The following ZC3H12A variants were observed in gnomAD, a reference collection of about 807,000 sequenced individuals.
ZC3H12A encodes the protein zinc finger CCCH-type containing 12A, also known as endoribonuclease ZC3H12A.
Under a neutral mutation model 29.9 loss-of-function variants are expected in ZC3H12A, and 9 were observed. That is an observed-to-expected ratio of 0.30 (90% confidence interval 0.18 to 0.53). The LOEUF is 0.53. Ranked by LOEUF, ZC3H12A falls within the 20% of genes least tolerant of loss-of-function variation. The pLI is 0.96. For missense variants in ZC3H12A, 617 were observed against 799.0 expected, an observed-to-expected ratio of 0.77 and a Z score of 2.75; for synonymous variants, 323 against 338.1, an observed-to-expected ratio of 0.96 and a Z score of 0.49.
chr1:37,479,371 G>T lies in ZC3H12A; in HGVS notation c.444-919G>T. 3 of 985,440 alleles carry T rather than the reference G, an allele frequency of 3.0e-6. No homozygotes were observed. Among genetic ancestry groups the T allele is most frequent in the Non-Finnish European group, 3.6e-6 (3 of 829,938 alleles). The allele number at this position is 985,440 out of a possible 1,614,324, so 61.0% of individuals were successfully genotyped here. A position where few individuals can be genotyped will look rare whatever the true frequency, so the allele number is the denominator to read the frequency against. ...CTGCAGACTGCTGGGCCCATTTTCA[G>T]ATAGAGGAACGGAGAGCTGCGGCAG... is the stretch of plus-strand genomic sequence containing the variant. On this transcript the variant is annotated intron_variant, in intron 2 of 5. Coordinates refer to ENST00000373087, the MANE Select transcript of ZC3H12A (RefSeq NM_025079.3). This position sits in a 1 kb window ranked among gnomAD's most constrained non-coding sequence, Gnocchi z 4.5.
At position 37,476,817 on chromosome 1, in the gene ZC3H12A, G is replaced by A. The variant is rs1342010129; in HGVS notation, c.443+878G>A. Among the ~76,000 whole-genome samples the A allele has an allele frequency of 2.0e-4, 30 of 152,254 alleles. No homozygotes were observed. Among genetic ancestry groups the A allele is most frequent in the Admixed American group, 1.8e-3 (28 of 15,286 alleles). ...CAAGGCAGGCTGATGAGTCAGTGCT[G>A]GGTGGATGGCTCACAGGGAAAAGTT... On this transcript the variant is annotated intron_variant, in intron 2 of 5. Coordinates refer to ENST00000373087, the MANE Select transcript of ZC3H12A (RefSeq NM_025079.3). The surrounding 1 kb of genome is among the most constrained non-coding windows in gnomAD (Gnocchi z 6.0).
At position 37,483,820 on chromosome 1, in the gene ZC3H12A, G is replaced by C. The variant is rs546660362; in HGVS notation, c.*209G>C. ...GCACCTCTAGCTGTCTGCCTCAGTG[G>C]GTCAGAAGCGATCACCCTGTTGATA... is the stretch of plus-strand genomic sequence containing the variant. On this transcript the variant is annotated 3_prime_UTR_variant, in exon 6 of 6. Transcript: ENST00000373087. 927 of 621,336 alleles carry C rather than the reference G, an allele frequency of 1.5e-3. 6 individuals carry two copies. In the African/African-American group the frequency reaches 0.015, roughly 10 times the overall value. 38.5% of individuals were successfully genotyped at this position (621,336 alleles called of 1,614,324 possible). A position where few individuals can be genotyped will look rare whatever the true frequency, so the allele number is the denominator to read the frequency against.
At chr1:37,477,576 C>G (rs931276397) in intron 2 of ZC3H12A, among the ~76,000 whole-genome samples, 7 of 152,090 alleles carry the variant, frequency 4.6e-5, no homozygotes, top group African/African-American at 1.7e-4. Context: ...GAATTTTTTT[C>G]CACTCGCCAG....
chr1:37,482,609 C>G, intron 5 of ZC3H12A, 69 bp downstream of exon 5: 1 of 1,607,694 alleles, frequency 6.2e-7, no homozygotes, highest in Non-Finnish European at 8.5e-7. Context: ...TCTGCCTGTG[C>G]CCTGTTTTCC....
Position 37,475,969 on chromosome 1 carries a change from T to C in ZC3H12A, c.443+30T>C. Reference sequence around the variant, plus strand: ...GTGTCACTTCTGTGGCCAGGACACATGAGGTTCGCATCTCTCCTGTGGCCA... The same window carrying C: ...GTGTCACTTCTGTGGCCAGGACACACGAGGTTCGCATCTCTCCTGTGGCCA... On this transcript the variant is annotated intron_variant, in intron 2 of 5. Coordinates refer to ENST00000373087, the MANE Select transcript of ZC3H12A (RefSeq NM_025079.3). This position sits in a 1 kb window ranked among gnomAD's most constrained non-coding sequence, Gnocchi z 5.2. The C allele has an allele frequency of 2.0e-6, 3 of 1,483,420 alleles. No homozygotes were observed. Among genetic ancestry groups the C allele is most frequent in the Non-Finnish European group, 2.7e-6 (3 of 1,122,544 alleles). 91.9% of individuals were successfully genotyped at this position (1,483,420 alleles called of 1,614,324 possible).
At position 37,478,520 on chromosome 1, in the gene ZC3H12A, C is replaced by T. The variant is rs1169659647; in HGVS notation, c.444-1770C>T. 6.6e-6 allele frequency among the ~76,000 whole-genome samples: 1 copy of T among 152,162 alleles called. No individual in the cohort carries two copies. Among genetic ancestry groups the T allele is most frequent in the Non-Finnish European group, 1.5e-5 (1 of 68,032 alleles). On this transcript the variant is annotated intron_variant, in intron 2 of 5. Transcript: ENST00000373087. This position sits in a 1 kb window ranked among gnomAD's most constrained non-coding sequence, Gnocchi z 5.2. ...GGTAGCAAGCCCTATAAGAATGAAG[C>T]CATATATCTGGCCACCAGCGGGAGC...
rs755664751 is a variant in ZC3H12A at position 37,481,663 on chromosome 1, G to T, written c.646G>T (p.Val216Leu). The change falls in exon 4 of 6, where the codon GTG becomes TTG. Residue 216 changes from valine (V) to leucine (L), a missense_variant. Physicochemically the swap from Val to Leu is conservative, Grantham distance 32. Coordinates refer to ENST00000373087, the MANE Select transcript of ZC3H12A (RefSeq NM_025079.3). ...KILVFTPSRR[V>L]GGKRVVCYDD... ...CCTGGTGTTCACACCATCACGACGCGTGGGTGGCAAGCGGGTGGTGTGCTA... is the reference window on the plus strand; with the variant it reads ...CCTGGTGTTCACACCATCACGACGCTTGGGTGGCAAGCGGGTGGTGTGCTA... 4.3e-6 allele frequency: 7 copies of T among 1,614,246 alleles called. No individual in the cohort carries two copies. The highest frequency in any genetic ancestry group is 1.3e-5 in the African/African-American group (1 of 75,074).
At chr1:37,481,499 G>C in intron 3 of ZC3H12A, 102 bp from the exon 4 acceptor site, 1 of 1,175,630 alleles carries the variant, frequency 8.5e-7, no homozygotes, top group South Asian at 1.3e-5. Flanking sequence ...TGACCTTGGC[G>C]TTAACCACTC....
rs879045907 is a variant in ZC3H12A at position 37,482,497 on chromosome 1, G to A, written c.882G>A (p.Lys294=). 5 of 1,614,118 alleles carry A rather than the reference G, an allele frequency of 3.1e-6. No homozygotes were observed. Among genetic ancestry groups the A allele is most frequent in the Non-Finnish European group, 3.4e-6 (4 of 1,180,002 alleles). ...CCAGCCTGGACAACTTCCTGCGTAA[G>A]AAGCCACTCACTTTGGAGCACAGGA... ...HGPSLDNFLR[K]KPLTLEHRKQ... Residue 294 remains lysine, a synonymous_variant, in exon 5 of 6, where the codon AAG becomes AAA. Transcript: ENST00000373087.
rs1367200020 is a variant in ZC3H12A, at chr1:37,484,219, C to A, written c.*608C>A. 6.6e-6 allele frequency: 1 copy of A among 152,424 alleles called. No individual in the cohort carries two copies. Among genetic ancestry groups the A allele is most frequent in the Admixed American group, 6.5e-5 (1 of 15,292 alleles). 9.4% of individuals were successfully genotyped at this position (152,424 alleles called of 1,614,324 possible). On this transcript the variant is annotated 3_prime_UTR_variant, in exon 6 of 6. Transcript: ENST00000373087. ...AAGGGCCCTCCGTCTACACCCTCTTCTTCTCCTCCATCCTTTATTCAGAGT... is the reference window on the plus strand; with the variant it reads ...AAGGGCCCTCCGTCTACACCCTCTTATTCTCCTCCATCCTTTATTCAGAGT...
In ZC3H12A at chr1:37,478,899, G is replaced by T; in HGVS notation, c.444-1391G>T. 4 of 985,334 alleles carry T rather than the reference G, an allele frequency of 4.1e-6. No homozygotes were observed. The highest frequency in any genetic ancestry group is 4.8e-6 in the Non-Finnish European group (4 of 829,894). The allele number at this position is 985,334 out of a possible 1,614,324, so 61.0% of individuals were successfully genotyped here. A position where few individuals can be genotyped will look rare whatever the true frequency, so the allele number is the denominator to read the frequency against. The stretch of plus-strand genomic sequence containing the variant: ...AGAGGGACCGGGAAGGATGAGTGCT[G>T]CCCTGGGCTGGACTTTGTCTCCCCT... On this transcript the variant is annotated intron_variant, in intron 2 of 5. Transcript: ENST00000373087. This position sits in a 1 kb window ranked among gnomAD's most constrained non-coding sequence, Gnocchi z 5.2.
At chr1:37,477,948 A>G (rs1172346772) in intron 2 of ZC3H12A, among the ~76,000 whole-genome samples, 1 of 151,458 alleles carries the variant, frequency 6.6e-6, no homozygotes, top group Non-Finnish European at 1.5e-5. Context: ...GACTTGTCCC[A>G]GCCAAGATTT....
Position 37,482,801 on chromosome 1 carries a change from G to A in ZC3H12A, c.990G>A (p.Gln330=). ...ACCCAGAGCGGCCAAGCTGCCCCCA[G>A]CGCTCTGTGGCAGATGAGCTCCGTG... ...FFHPERPSCP[Q]RSVADELRAN... The change falls in exon 6 of 6, where the codon CAG becomes CAA. Residue 330 remains glutamine, a synonymous_variant. Transcript: ENST00000373087. 2 of 1,614,074 alleles carry A rather than the reference G, an allele frequency of 1.2e-6. No individual in the cohort carries two copies. The highest frequency in any genetic ancestry group is 1.3e-5 in the African/African-American group (1 of 75,048).
rs1641625627 is a variant in ZC3H12A, at chr1:37,478,053, G to A, written c.443+2114G>A. Among the ~76,000 whole-genome samples the A allele has an allele frequency of 6.6e-6, 1 of 152,186 alleles. No individual in the cohort carries two copies. Among genetic ancestry groups the A allele is most frequent in the South Asian group, 2.1e-4 (1 of 4,826 alleles). On this transcript the variant is annotated intron_variant, in intron 2 of 5. Coordinates refer to ENST00000373087, the MANE Select transcript of ZC3H12A (RefSeq NM_025079.3). The surrounding 1 kb of genome is among the most constrained non-coding windows in gnomAD (Gnocchi z 5.2). Reference sequence around the variant, plus strand: ...CTAGCCTAGGATCATGTGCCCGGAGGGAGGCAGGTGGGCGGATACATGCGC... The same window carrying A: ...CTAGCCTAGGATCATGTGCCCGGAGAGAGGCAGGTGGGCGGATACATGCGC...
In ZC3H12A at chr1:37,479,965, G is replaced by C; in HGVS notation, c.444-325G>C. 1 of 1,090,842 alleles carries C rather than the reference G, an allele frequency of 9.2e-7. No individual in the cohort carries two copies. Among genetic ancestry groups the C allele is most frequent in the South Asian group, 3.4e-5 (1 of 29,314 alleles). The allele number at this position is 1,090,842 out of a possible 1,614,324, so 67.6% of individuals were successfully genotyped here. A position where few individuals can be genotyped will look rare whatever the true frequency, so the allele number is the denominator to read the frequency against. ...GCCTGGCCCTCCCCCACCGTGGGGA[G>C]CAGTGCTGCCAGCTTCCTGGGCGCT... On this transcript the variant is annotated intron_variant, in intron 2 of 5. Coordinates refer to ENST00000373087, the MANE Select transcript of ZC3H12A (RefSeq NM_025079.3). The surrounding 1 kb of genome is among the most constrained non-coding windows in gnomAD (Gnocchi z 4.5).
chr1:37,483,627 C>T lies in ZC3H12A; in HGVS notation c.*16C>T. The T allele has an allele frequency of 6.3e-7, 1 of 1,579,324 alleles. No homozygotes were observed. The highest frequency in any genetic ancestry group is 8.6e-7 in the Non-Finnish European group (1 of 1,163,702). On this transcript the variant is annotated 3_prime_UTR_variant, in exon 6 of 6. Transcript: ENST00000373087. Reference sequence around the variant, plus strand: ...CAGTGAGTAAGCTGCCTGTGGCTGGCAAGGGCAGCACCCCCAGCCTCCAAG... The same window carrying T: ...CAGTGAGTAAGCTGCCTGTGGCTGGTAAGGGCAGCACCCCCAGCCTCCAAG...
Position 37,483,599 on chromosome 1 carries a change from C to A in ZC3H12A, c.1788C>A (p.His596Gln). 6.2e-7 allele frequency: 1 copy of A among 1,606,728 alleles called. No individual in the cohort carries two copies. The highest frequency in any genetic ancestry group is 8.5e-7 in the Non-Finnish European group (1 of 1,177,146). Reference sequence around the variant, plus strand: ...AGATCCTCTCCTACAAGTCCCAGCACCCCAGTGAGTAAGCTGCCTGTGGCT... The same window carrying A: ...AGATCCTCTCCTACAAGTCCCAGCAACCCAGTGAGTAAGCTGCCTGTGGCT... Reference protein sequence around the residue: ...AAEILSYKSQHPSE With the variant: ...AAEILSYKSQQPSE The change falls in exon 6 of 6, where the codon CAC becomes CAA. Residue 596 changes from histidine to glutamine, a missense_variant. His to Gln is a conservative substitution (Grantham distance 24, BLOSUM62 0). Coordinates refer to ENST00000373087, the MANE Select transcript of ZC3H12A (RefSeq NM_025079.3).
rs1250626815 is a variant in ZC3H12A, at chr1:37,480,489, A to G, written c.583+60A>G. 14 of 1,569,730 alleles carry G rather than the reference A, an allele frequency of 8.9e-6. No homozygotes were observed. The Admixed American group carries it at 2.5e-4, about 28-fold the overall frequency. ...TGCCCCAGCAGCCCTGGTTCTCCCC[A>G]AGAGAGACCCTCTGGGAGTGACCTA... On this transcript the variant is annotated intron_variant, in intron 3 of 5. Coordinates refer to ENST00000373087, the MANE Select transcript of ZC3H12A (RefSeq NM_025079.3).
Position 37,480,201 on chromosome 1 carries a change from G to A in ZC3H12A, c.444-89G>A, listed in dbSNP as rs1456199689. ...CCACCACCAAAGCCAGGGCAGGGGT[G>A]GGGTGTGACCACCTCCCTCCTCCTG... On this transcript the variant is annotated intron_variant, in intron 2 of 5. Coordinates refer to ENST00000373087, the MANE Select transcript of ZC3H12A (RefSeq NM_025079.3). 6.5e-6 allele frequency: 10 copies of A among 1,535,842 alleles called. No homozygotes were observed. The East Asian group carries it at 1.1e-4, about 17-fold the overall frequency.
Sources: allele counts gnomAD v4.1 joint callset (sites outside exome capture counted in the v4.1 genomes callset), GRCh38; gene constraint gnomAD v4.1.1; non-coding constraint Gnocchi (gnomAD v3.1); transcripts MANE v1.5; gene names NCBI Gene and HGNC (gene_info 2026-07-23, HGNC 2026-07-21).